The following CEP112 variants were observed in gnomAD, a reference collection of about 807,000 sequenced individuals.
CEP112 encodes centrosomal protein 112.
In CEP112, 127 loss-of-function variants were observed where a neutral mutation model predicts 153.0. The observed-to-expected ratio is 0.83, with a 90% CI of 0.72 to 0.96. The LOEUF (loss-of-function observed/expected upper bound fraction) is 0.96. CEP112 is among the 40% of genes least tolerant of loss of function. The pLI is 0.00. For synonymous variants in CEP112, 358 were observed against 374.4 expected (o/e 0.96, Z 0.51); for missense variants, 1,089 against 1,101.2 (o/e 0.99, Z 0.16).
chr17:66,029,127 GA>G lies in CEP112; in HGVS notation c.1498del (p.Ser500LeufsTer6). On this transcript the variant is annotated frameshift_variant, in exon 14 of 27. Transcript: ENST00000535342. LOFTEE classifies it high-confidence loss of function. ...ATCTATTAACATAAATAATACCTTA[GA>G]AGCTGAAAGAGCATGTTCTTGTTTT... The part of the protein sequence containing the change: ...LLKQEHALSA[S>X]KASSMIEELE... The G allele has an allele frequency of 6.3e-7, 1 of 1,598,470 alleles. No individual in the cohort carries two copies. The highest frequency in any genetic ancestry group is 8.6e-7 in the Non-Finnish European group (1 of 1,167,934).
chr17:65,795,537 C>T (rs1001267525), intron 21 of CEP112, among the ~76,000 whole-genome samples: 10 of 152,150 alleles, frequency 6.6e-5, no homozygotes, highest in African/African-American at 2.4e-4. Flanking sequence ...TTTGGCTGGG[C>T]ACAGTGGCTC....
intron 21 of CEP112, among the ~76,000 whole-genome samples, chr17:65,757,409 T>C (rs1378681656): frequency 6.6e-6 from 1 of 152,056 alleles, no homozygotes; most frequent in East Asian, 1.9e-4. Flanking sequence ...AGAAAACATC[T>C]TTGGGAAATT....
intron 18 of CEP112, among the ~76,000 whole-genome samples, chr17:65,957,232 T>A (rs1443299): frequency 0.023 from 3,524 of 152,204 alleles, 72 homozygotes; most frequent in Non-Finnish European, 0.029. Flanking sequence ...TCTACAAAAG[T>A]AAACGTAAAA....
At chr17:65,745,327 C>G (rs1196656522) in intron 22 of CEP112, among the ~76,000 whole-genome samples, 1 of 152,154 alleles carries the variant, frequency 6.6e-6, no homozygotes, top group African/African-American at 2.4e-5. Flanking sequence ...ATGTTTTCAT[C>G]CATTTTCTGA....
chr17:65,641,162 G>A, intron 24 of CEP112, 97 bp from the exon 25 acceptor site: 1 of 695,766 alleles, frequency 1.4e-6, no homozygotes, highest in Non-Finnish European at 2.5e-6. Context: ...CACAATGAAA[G>A]GTTTGTTACA....
intron 8 of CEP112, among the ~76,000 whole-genome samples, chr17:66,080,323 AC>A (rs1362815481): frequency 6.6e-6 from 1 of 152,208 alleles, no homozygotes; most frequent in African/African-American, 2.4e-5. Context: ...AAGAAAAAAA[AC>A]AAACAACCCC....
At position 66,179,871 on chromosome 17, in the gene CEP112, C is replaced by G. The variant is rs2072644311; in HGVS notation, c.107-2851G>C. 2.0e-5 allele frequency among the ~76,000 whole-genome samples: 3 copies of G among 152,006 alleles called. No homozygotes were observed. In the South Asian group the frequency reaches 6.2e-4, roughly 32 times the overall value. On this transcript the variant is annotated intron_variant, in intron 2 of 26. Coordinates refer to ENST00000535342, the MANE Select transcript of CEP112 (RefSeq NM_001199165.4). ...TGTTGAGGACTGTTACTTTGATACCCAGTTTTTTTTAGGGTTTTTATCATA... is the reference window on the plus strand; with the variant it reads ...TGTTGAGGACTGTTACTTTGATACCGAGTTTTTTTTAGGGTTTTTATCATA...
At chr17:65,870,848 T>G (rs916039031) in intron 20 of CEP112, among the ~76,000 whole-genome samples, 11 of 152,352 alleles carry the variant, frequency 7.2e-5, no homozygotes, top group African/African-American at 2.6e-4. Flanking sequence ...GGCTGAATTC[T>G]TCTTCACTAG....
At position 66,186,479 on chromosome 17, in the gene CEP112, C is replaced by T. The variant is rs972208676; in HGVS notation, c.-8-3172G>A. Among the ~76,000 whole-genome samples the T allele has an allele frequency of 2.6e-5, 4 of 152,120 alleles. No homozygotes were observed. In the South Asian group the frequency reaches 6.2e-4, roughly 24 times the overall value. On this transcript the variant is annotated intron_variant, in intron 1 of 26. Transcript: ENST00000535342. ...TAATTTTTCGTATTTTTAGTAGAGA[C>T]GGCGTTTCACCGTGTTAGCCAGGCT... is the stretch of plus-strand genomic sequence containing the variant.
chr17:66,045,104 T>G lies in CEP112; in HGVS notation c.1218+8632A>C, dbSNP rs188510108. On this transcript the variant is annotated intron_variant, in intron 12 of 26. Transcript: ENST00000535342. ...TTTTTTTTTTGAAACAGGGTCACAC[T>G]CTGTCACCCAGGCTGGAGTGCAGTG... Among the ~76,000 whole-genome samples the G allele has an allele frequency of 3.1e-3, 466 of 151,926 alleles. 2 individuals are homozygous for G. The highest frequency in any genetic ancestry group is 0.011 in the African/African-American group (435 of 41,426).
In CEP112 at chr17:66,185,316, G is replaced by A. The variant is rs1470356030; in HGVS notation, c.-8-2009C>T. Among the ~76,000 whole-genome samples the A allele has an allele frequency of 5.3e-5, 8 of 152,254 alleles. No homozygotes were observed. In the East Asian group the frequency reaches 1.5e-3, roughly 29 times the overall value. ...TGGCTCACTGCAACCTCCGCCTCCT[G>A]GGTTCAAGTGATTCTCCTGCCTCAG... On this transcript the variant is annotated intron_variant, in intron 1 of 26. Transcript: ENST00000535342.
chr17:65,746,628 T>C (rs2051488993), intron 22 of CEP112, among the ~76,000 whole-genome samples: 1 of 152,224 alleles, frequency 6.6e-6, no homozygotes, highest in Non-Finnish European at 1.5e-5. Flanking sequence ...TACTTTCTCC[T>C]TAGCTCAGTG....
intron 24 of CEP112, among the ~76,000 whole-genome samples, chr17:65,677,549 G>A (rs1313175645): frequency 6.6e-6 from 1 of 152,124 alleles, no homozygotes; most frequent in African/African-American, 2.4e-5. Context: ...TGAATTGTCT[G>A]TTGCATTGAA....
At chr17:65,807,116 G>A (rs2055653367) in intron 21 of CEP112, among the ~76,000 whole-genome samples, 1 of 152,194 alleles carries the variant, frequency 6.6e-6, no homozygotes, top group South Asian at 2.1e-4. Context: ...TTATTGGGAA[G>A]TGGAGTAAAA....
At chr17:66,090,118 AC>A (rs2068079241) in intron 8 of CEP112, among the ~76,000 whole-genome samples, 1 of 152,062 alleles carries the variant, frequency 6.6e-6, no homozygotes, top group African/African-American at 2.4e-5. Context: ...TTAAAAATGT[AC>A]CAAGACACAA....
chr17:66,154,728 A>G (rs1408733717), intron 4 of CEP112, among the ~76,000 whole-genome samples: 1 of 145,762 alleles, frequency 6.9e-6, no homozygotes, highest in African/African-American at 2.5e-5. Context: ...GAGGTAAGAA[A>G]TCTCAAACAG....
At chr17:65,702,756 A>G (rs1037082466) in intron 23 of CEP112, among the ~76,000 whole-genome samples, 1 of 152,198 alleles carries the variant, frequency 6.6e-6, no homozygotes, top group African/African-American at 2.4e-5. Flanking sequence ...AGGCCTCATA[A>G]TCATGGCGGA....
chr17:65,706,825 CAT>C (rs557783085), intron 23 of CEP112, among the ~76,000 whole-genome samples: 388 of 152,364 alleles, frequency 2.5e-3, no homozygotes, highest in African/African-American at 8.6e-3. Flanking sequence ...TGACTACACT[CAT>C]AGATCTCTTC....
chr17:66,023,168 T>C (rs77131739), intron 16 of CEP112, among the ~76,000 whole-genome samples: 3,779 of 152,234 alleles, frequency 0.025, 179 homozygotes, highest in African/African-American at 0.086. Flanking sequence ...CAAAAACTTC[T>C]GTAGTCTAGC....
Sources: gnomAD v4.1 joint callset for allele counts (sites outside exome capture counted in the v4.1 genomes callset) on GRCh38, gnomAD v4.1.1 for gene constraint, MANE v1.5 for transcripts, NCBI Gene and HGNC (gene_info 2026-07-23, HGNC 2026-07-21) for gene names.